Variants in TMCC1 observed in about 807,000 individuals in gnomAD.
The protein encoded by TMCC1 is transmembrane and coiled-coil domain family 1.
Under a neutral mutation model 52.4 loss-of-function variants are expected in TMCC1, and 15 were observed. The observed-to-expected ratio is 0.29, with a 90% CI of 0.19 to 0.44. The LOEUF is 0.44. Among genes scored for constraint, TMCC1 ranks in the 20% least tolerant of loss-of-function variants. The probability of loss-of-function intolerance (pLI) is 1.00; values close to 1 mark genes in which losing one functional copy is unlikely to be tolerated. For missense variants in TMCC1, 503 were observed against 806.0 expected, an observed-to-expected ratio of 0.62 and a Z score of 4.55; for synonymous variants, 279 against 301.9, an observed-to-expected ratio of 0.92 and a Z score of 0.79.
chr3:129,890,717 C>T (rs1014048939), intron 1 of TMCC1, among the ~76,000 whole-genome samples: 1 of 152,254 alleles, frequency 6.6e-6, no homozygotes, highest in Non-Finnish European at 1.5e-5. Context: ...CTCAGTCAAG[C>T]TCTGTGGCTC....
chr3:129,751,306 G>C (rs549785349), intron 4 of TMCC1, among the ~76,000 whole-genome samples: 2 of 152,206 alleles, frequency 1.3e-5, no homozygotes, highest in African/African-American at 4.8e-5. Context: ...GAGGCAGGAG[G>C]ACCACCTGAG....
intron 4 of TMCC1, among the ~76,000 whole-genome samples, chr3:129,693,652 T>C (rs2047187867): frequency 6.6e-6 from 1 of 151,930 alleles, no homozygotes; most frequent in Non-Finnish European, 1.5e-5. Context: ...GCCCATCCCA[T>C]GTTATCTTAT....
intron 2 of TMCC1, among the ~76,000 whole-genome samples, chr3:129,849,181 G>A (rs369872238): frequency 6.6e-6 from 1 of 152,038 alleles, no homozygotes; most frequent in African/African-American, 2.4e-5. Flanking sequence ...TCTCTATATC[G>A]GCTGGGTGCA....
intron 4 of TMCC1, among the ~76,000 whole-genome samples, chr3:129,770,268 C>A (rs2054450647): frequency 6.6e-6 from 1 of 152,184 alleles, no homozygotes; most frequent in Non-Finnish European, 1.5e-5. Context: ...GTAATCCCAG[C>A]ACTTTGGGAG....
At chr3:129,678,739 C>G (rs2088697414) in intron 4 of TMCC1, among the ~76,000 whole-genome samples, 1 of 152,034 alleles carries the variant, frequency 6.6e-6, no homozygotes, top group African/African-American at 2.4e-5. Flanking sequence ...AAAACCAAAG[C>G]ATAGGGAATT....
At chr3:129,738,983 A>G (rs1159264415) in intron 4 of TMCC1, among the ~76,000 whole-genome samples, 1 of 151,678 alleles carries the variant, frequency 6.6e-6, no homozygotes, top group Non-Finnish European at 1.5e-5. Context: ...CGCCCAGCTA[A>G]TTTTTGTATT....
At chr3:129,789,285 T>C (rs2056279001) in intron 4 of TMCC1, among the ~76,000 whole-genome samples, 1 of 152,186 alleles carries the variant, frequency 6.6e-6, no homozygotes, top group Admixed American at 6.5e-5. Flanking sequence ...CAAAATACTT[T>C]TAAACAACCC....
At chr3:129,795,018 T>C (rs1576876984) in intron 4 of TMCC1, among the ~76,000 whole-genome samples, 1 of 152,206 alleles carries the variant, frequency 6.6e-6, no homozygotes, top group African/African-American at 2.4e-5. Context: ...TGTGCGGCTT[T>C]GTCTAGCATA....
At chr3:129,673,104 A>G (rs1253586115) in intron 4 of TMCC1, among the ~76,000 whole-genome samples, 2 of 152,218 alleles carry the variant, frequency 1.3e-5, no homozygotes, top group African/African-American at 4.8e-5. Context: ...ATGCACCACT[A>G]GTGAATAAAA....
chr3:129,883,540 G>A (rs1347531968), intron 1 of TMCC1, among the ~76,000 whole-genome samples: 1 of 152,156 alleles, frequency 6.6e-6, no homozygotes, highest in Non-Finnish European at 1.5e-5. Flanking sequence ...CTTGAACCTA[G>A]GAGGTCAAGG....
chr3:129,659,374 TGTG>T (rs2086877142), intron 5 of TMCC1, among the ~76,000 whole-genome samples: 1 of 151,928 alleles, frequency 6.6e-6, no homozygotes. Flanking sequence ...AGACTACAGG[TGTG>T]GGGCACCACA....
chr3:129,696,743 C>A (rs1576481676), intron 4 of TMCC1, among the ~76,000 whole-genome samples: 1 of 152,252 alleles, frequency 6.6e-6, no homozygotes, highest in East Asian at 1.9e-4. Flanking sequence ...GTAAATACAC[C>A]CATTCCACAT....
At chr3:129,766,703 C>T (rs767345672) in intron 4 of TMCC1, among the ~76,000 whole-genome samples, 1 of 152,042 alleles carries the variant, frequency 6.6e-6, no homozygotes, top group Non-Finnish European at 1.5e-5. Flanking sequence ...TCACTGCAGC[C>T]TACCCCCTGG....
intron 5 of TMCC1, 143 bp from the exon 6 acceptor site, chr3:129,655,246 A>AGTGG: frequency 1.0e-6 from 1 of 989,932 alleles, no homozygotes; most frequent in Non-Finnish European, 1.5e-6. Flanking sequence ...AGGGTGTGCC[A>AGTGG]GTGGGTATAG....
intron 4 of TMCC1, among the ~76,000 whole-genome samples, chr3:129,673,134 A>T (rs1453545512): frequency 6.6e-6 from 1 of 152,190 alleles, no homozygotes. Context: ...TGGAATAGTT[A>T]CTAGCACAAT....
intron 4 of TMCC1, among the ~76,000 whole-genome samples, chr3:129,705,306 C>A (rs1471253182): frequency 6.6e-6 from 1 of 152,072 alleles, no homozygotes; most frequent in Non-Finnish European, 1.5e-5. Flanking sequence ...CTATGGCATC[C>A]ATGGGTTCCA....
chr3:129,759,268 CT>C (rs1391292529), intron 4 of TMCC1, among the ~76,000 whole-genome samples: 579 of 139,804 alleles, frequency 4.1e-3, no homozygotes, highest in African/African-American at 7.2e-3. Flanking sequence ...TAATTCATGA[CT>C]TTTTTTTTTT....
intron 4 of TMCC1, among the ~76,000 whole-genome samples, chr3:129,813,207 C>T (rs909631948): frequency 2.5e-4 from 38 of 152,094 alleles, no homozygotes; most frequent in Admixed American, 4.6e-4. Context: ...TTACACACTG[C>T]CAGTAGGAAT....
chr3:129,780,107 C>A (rs1474334573), intron 4 of TMCC1, among the ~76,000 whole-genome samples: 2 of 152,126 alleles, frequency 1.3e-5, no homozygotes, highest in Non-Finnish European at 2.9e-5. Flanking sequence ...CCTTATCACC[C>A]TGTCATCTAA....
Sources: gnomAD v4.1 joint callset for allele counts (sites outside exome capture counted in the v4.1 genomes callset) on GRCh38, gnomAD v4.1.1 for gene constraint, MANE v1.5 for transcripts, NCBI Gene and HGNC (gene_info 2026-07-23, HGNC 2026-07-21) for gene names.